Variants in ZNF804B observed in about 807,000 individuals in gnomAD.
The protein encoded by ZNF804B is zinc finger 804B.
Under a neutral mutation model 101.4 loss-of-function variants are expected in ZNF804B, and 80 were observed. The ratio of observed to expected loss-of-function variants is 0.79; its 90% CI spans 0.66 to 0.95. The LOEUF is 0.95. Among genes scored for constraint, ZNF804B ranks in the 40% least tolerant of loss-of-function variants. The pLI, the probability that ZNF804B is intolerant of heterozygous loss-of-function variation, is 0.00. For synonymous variants in ZNF804B, 622 were observed against 558.8 expected, an observed-to-expected ratio of 1.11 and a Z score of -1.59; for missense variants, 1,673 against 1,561.9, an observed-to-expected ratio of 1.07 and a Z score of -1.20.
intron 3 of ZNF804B, among the ~76,000 whole-genome samples, chr7:89,331,899 A>G (rs190700976): frequency 6.6e-6 from 1 of 151,686 alleles, no homozygotes; most frequent in South Asian, 2.1e-4. Flanking sequence ...AAAAAAATGT[A>G]TCTGAACTGA....
chr7:89,326,933 C>T (rs944264210), intron 2 of ZNF804B, among the ~76,000 whole-genome samples: 1 of 152,036 alleles, frequency 6.6e-6, no homozygotes, highest in African/African-American at 2.4e-5. Flanking sequence ...TTATTCCACC[C>T]AGTGTATTTA....
intron 1 of ZNF804B, among the ~76,000 whole-genome samples, chr7:88,944,593 A>G (rs1793100039): frequency 6.6e-6 from 1 of 151,946 alleles, no homozygotes; most frequent in African/African-American, 2.4e-5. Flanking sequence ...AAATAATAAT[A>G]CAACAATAAA....
intron 1 of ZNF804B, among the ~76,000 whole-genome samples, chr7:88,968,887 G>T (rs1562846775): frequency 6.6e-6 from 1 of 151,310 alleles, no homozygotes; most frequent in East Asian, 2.0e-4. Context: ...ATTTTTCTTG[G>T]ACACGTATCT....
In ZNF804B at chr7:88,920,528, G is replaced by A. The variant is rs1406315412; in HGVS notation, c.108+160444G>A. Among the ~76,000 whole-genome samples the A allele has an allele frequency of 2.0e-5, 3 of 151,796 alleles. No individual in the cohort carries two copies. The East Asian group carries it at 5.8e-4, about 29-fold the overall frequency. ...TCTAATTCATTTTCTCTTAAACTTA[G>A]TTTATCATCACCATATCCTGGGTCA... On this transcript the variant is annotated intron_variant, in intron 1 of 3. Coordinates refer to ENST00000333190, the MANE Select transcript of ZNF804B (RefSeq NM_181646.5).
Position 89,221,497 on chromosome 7 carries a change from C to T in ZNF804B, c.249+3202C>T, listed in dbSNP as rs1451035889. 2.0e-5 allele frequency among the ~76,000 whole-genome samples: 3 copies of T among 151,800 alleles called. No homozygotes were observed. The East Asian group carries it at 5.8e-4, about 29-fold the overall frequency. On this transcript the variant is annotated intron_variant, in intron 2 of 3. Transcript: ENST00000333190. The stretch of plus-strand genomic sequence containing the variant: ...GGAATAGAAGCTAAGGTGAGAAAAT[C>T]GAAGAGCATGAGGCATCTTTTGAGA...
Position 88,857,822 on chromosome 7 carries a change from C to CTTTTTTTTTTTTTTTTTTTTTTTTTTTT in ZNF804B, c.108+97740_108+97767dup, listed in dbSNP as rs55841922. Among the ~76,000 whole-genome samples, 5 of 81,422 alleles carry CTTTTTTTTTTTTTTTTTTTTTTTTTTTT rather than the reference C, an allele frequency of 6.1e-5. 1 individual carries two copies. The highest frequency in any genetic ancestry group is 1.7e-4 in the Admixed American group (1 of 6,008). 53.4% of individuals were successfully genotyped at this position (81,422 alleles called of 152,430 possible). On this transcript the variant is annotated intron_variant, in intron 1 of 3. Transcript: ENST00000333190. ...CTTTCTTTCTCCTTTCCTTTCTTTT[C>CTTTTTTTTTTTTTTTTTTTTTTTTTTTT]TTTTTTTTTTTTTTTTTTTTTTTTT...
At chr7:89,108,374 C>T (rs1174481132) in intron 1 of ZNF804B, among the ~76,000 whole-genome samples, 1 of 152,050 alleles carries the variant, frequency 6.6e-6, no homozygotes, top group Non-Finnish European at 1.5e-5. Flanking sequence ...TGTGGAGTCA[C>T]TGGCTTCTAA....
chr7:88,920,762 A>G (rs1205341727), intron 1 of ZNF804B, among the ~76,000 whole-genome samples: 2 of 152,118 alleles, frequency 1.3e-5, no homozygotes, highest in Non-Finnish European at 2.9e-5. Context: ...ATAGATACAG[A>G]TATTAATTAA....
Position 88,961,556 on chromosome 7 carries a change from A to G in ZNF804B, c.108+201472A>G, listed in dbSNP as rs537419195. On this transcript the variant is annotated intron_variant, in intron 1 of 3. Transcript: ENST00000333190. Reference sequence around the variant, plus strand: ...GACCTCTTTACAGCTTTTAAAATGAAAAGAAAAAATTCAAGCACTGGTTTG... The same window carrying G: ...GACCTCTTTACAGCTTTTAAAATGAGAAGAAAAAATTCAAGCACTGGTTTG... Among the ~76,000 whole-genome samples the G allele has an allele frequency of 1.8e-4, 28 of 151,500 alleles. No individual in the cohort carries two copies. The South Asian group carries it at 5.2e-3, about 28-fold the overall frequency.
intron 2 of ZNF804B, among the ~76,000 whole-genome samples, chr7:89,317,660 TC>T (rs1790752790): frequency 6.6e-6 from 1 of 152,172 alleles, no homozygotes; most frequent in South Asian, 2.1e-4. Flanking sequence ...TTCTGCAAGG[TC>T]ACCACTCAAC....
intron 1 of ZNF804B, among the ~76,000 whole-genome samples, chr7:88,821,648 T>C (rs1464170901): frequency 6.6e-6 from 1 of 152,128 alleles, no homozygotes; most frequent in East Asian, 1.9e-4. Flanking sequence ...AATACCAAAG[T>C]CAAACATTCT....
At chr7:89,259,143 C>T (rs1344704081) in intron 2 of ZNF804B, among the ~76,000 whole-genome samples, 1 of 152,152 alleles carries the variant, frequency 6.6e-6, no homozygotes, top group East Asian at 1.9e-4. Flanking sequence ...GTTTTGTTTT[C>T]TGGCACTGCT....
intron 2 of ZNF804B, among the ~76,000 whole-genome samples, chr7:89,232,044 T>A (rs35795080): frequency 0.045 from 6,843 of 152,192 alleles, 146 homozygotes; most frequent in South Asian, 0.072. Flanking sequence ...TGATGTTAGT[T>A]ATAAGTTTTT....
At chr7:89,014,710 T>A (rs1201384388) in intron 1 of ZNF804B, among the ~76,000 whole-genome samples, 2 of 152,220 alleles carry the variant, frequency 1.3e-5, no homozygotes, top group Admixed American at 6.5e-5. Context: ...AAATTGTTTA[T>A]TTGCTGTTGA....
intron 1 of ZNF804B, among the ~76,000 whole-genome samples, chr7:89,136,926 T>C (rs1790646219): frequency 6.6e-6 from 1 of 152,004 alleles, no homozygotes; most frequent in African/African-American, 2.4e-5. Flanking sequence ...ACATGATGGC[T>C]TTGTGAGGCA....
intron 2 of ZNF804B, among the ~76,000 whole-genome samples, chr7:89,306,044 A>G (rs1427577620): frequency 1.1e-4 from 17 of 152,068 alleles, no homozygotes. Context: ...TTTTGTTTTA[A>G]AATAGACTAA....
At chr7:88,961,577 G>A (rs900101046) in intron 1 of ZNF804B, among the ~76,000 whole-genome samples, 1 of 151,346 alleles carries the variant, frequency 6.6e-6, no homozygotes, top group Non-Finnish European at 1.5e-5. Flanking sequence ...TCAAGCACTG[G>A]TTTGTAAAGT....
chr7:88,895,883 G>A (rs1488905107), intron 1 of ZNF804B, among the ~76,000 whole-genome samples: 1 of 152,134 alleles, frequency 6.6e-6, no homozygotes, highest in Admixed American at 6.6e-5. Flanking sequence ...TAATTAAACA[G>A]GTGGGGGAAA....
At chr7:89,120,270 C>T (rs979256596) in intron 1 of ZNF804B, among the ~76,000 whole-genome samples, 9 of 141,716 alleles carry the variant, frequency 6.4e-5, no homozygotes, top group South Asian at 4.6e-4. Flanking sequence ...CCTGGGCAAC[C>T]GAGCAAGAAC....
Sources: allele counts gnomAD v4.1 joint callset (sites outside exome capture counted in the v4.1 genomes callset), GRCh38; gene constraint gnomAD v4.1.1; transcripts MANE v1.5; gene names NCBI Gene and HGNC (gene_info 2026-07-23, HGNC 2026-07-21).